PSMB2: variants seen among roughly 807,000 people sequenced by gnomAD.
The protein encoded by PSMB2 is proteasome subunit beta type-2.
Under a neutral mutation model 25.7 loss-of-function variants are expected in PSMB2, and 13 were observed. That is an observed-to-expected ratio of 0.51 (90% CI 0.33 to 0.80). The LOEUF is 0.80. Among genes scored for constraint, PSMB2 ranks in the 30% least tolerant of loss-of-function variants. The pLI is 0.02. For missense variants in PSMB2, 202 were observed against 259.0 expected (o/e 0.78, Z 1.51); for synonymous variants, 87 against 96.2 (o/e 0.90, Z 0.56).
chr1:35,619,479 G>A (rs1650612245), intron 3 of PSMB2, among the ~76,000 whole-genome samples: 1 of 152,216 alleles, frequency 6.6e-6, no homozygotes, highest in South Asian at 2.1e-4. Context: ...CTGTAATGTG[G>A]AGGACAGTAC....
chr1:35,620,626 G>A (rs2148569621), intron 3 of PSMB2, among the ~76,000 whole-genome samples: 1 of 151,600 alleles, frequency 6.6e-6, no homozygotes, highest in African/African-American at 2.4e-5. Context: ...TACTCAGGAG[G>A]CTGAGGCAGG....
At chr1:35,603,448 C>G in intron 5 of PSMB2, 74 bp from the exon 6 acceptor site, 1 of 1,536,118 alleles carries the variant, frequency 6.5e-7, no homozygotes, top group Non-Finnish European at 8.9e-7. Flanking sequence ...GTTCTAGACA[C>G]TGGGGATACA....
rs1374110925 is a variant in PSMB2 at position 35,600,416 on chromosome 1, T to TGTTA, written c.*2847_*2850dup. 1 of 840,802 alleles carries TGTTA rather than the reference T, an allele frequency of 1.2e-6. No homozygotes were observed. 52.1% of individuals were successfully genotyped at this position (840,802 alleles called of 1,614,324 possible). ...CAAACATACTGTGGTATATAGAAGATGTTAACATTACAGAAACTGAATAAG... is the reference window on the plus strand; with the variant it reads ...CAAACATACTGTGGTATATAGAAGATGTTAGTTAACATTACAGAAACTGAATAAG... On this transcript the variant is annotated 3_prime_UTR_variant, in exon 6 of 6. Coordinates refer to ENST00000373237, the MANE Select transcript of PSMB2 (RefSeq NM_002794.5).
chr1:35,613,893 T>C (rs1488460841), intron 3 of PSMB2, among the ~76,000 whole-genome samples: 2 of 152,204 alleles, frequency 1.3e-5, no homozygotes, highest in Non-Finnish European at 2.9e-5. Context: ...AGATAATGCA[T>C]GTGGATAATA....
At chr1:35,608,297 G>A (rs1650228552) in intron 4 of PSMB2, among the ~76,000 whole-genome samples, 1 of 151,908 alleles carries the variant, frequency 6.6e-6, no homozygotes, top group Admixed American at 6.6e-5. Context: ...CCTGGGAGGC[G>A]GAGGTTGCTG....
intron 3 of PSMB2, among the ~76,000 whole-genome samples, chr1:35,611,779 G>A (rs1650350515): frequency 6.6e-6 from 1 of 152,002 alleles, no homozygotes; most frequent in African/African-American, 2.4e-5. Context: ...AGCCGAGATA[G>A]TGCTACTGCA....
intron 4 of PSMB2, among the ~76,000 whole-genome samples, chr1:35,608,446 C>T (rs1650236107): frequency 6.6e-6 from 1 of 151,672 alleles, no homozygotes. Flanking sequence ...ATTACTATGG[C>T]TAACAATATA....
At position 35,631,327 on chromosome 1, in the gene PSMB2, T is replaced by TG; in HGVS notation, c.231dup (p.Thr78HisfsTer5). The TG allele has an allele frequency of 1.2e-6, 2 of 1,614,156 alleles. No homozygotes were observed. The highest frequency in any genetic ancestry group is 1.7e-6 in the Non-Finnish European group (2 of 1,180,004). ...CGGCGTGTGAAGTTAGCTGCTGCCG[T>TG]GGGAGACAATTCATATCCTGGTAGA... On this transcript the variant is annotated frameshift_variant, in exon 3 of 6. Transcript: ENST00000373237. LOFTEE classifies it high-confidence loss of function.
At chr1:35,628,596 AATATATATATAT>A (rs869040203) in intron 3 of PSMB2, among the ~76,000 whole-genome samples, 73 of 25,060 alleles carry the variant, frequency 2.9e-3, no homozygotes, top group Middle Eastern at 0.038. Context: ...AAAAAAAAAA[AATATATATATAT>A]ATATATATAT....
intron 3 of PSMB2, among the ~76,000 whole-genome samples, chr1:35,630,392 G>A (rs1263686318): frequency 6.6e-6 from 1 of 152,142 alleles, no homozygotes; most frequent in African/African-American, 2.4e-5. Context: ...GCACATGGAT[G>A]TATACATTAG....
rs1173238170 is a variant in PSMB2, at chr1:35,641,366, T to G, written c.67A>C (p.Ser23Arg). 1.2e-6 allele frequency: 2 copies of G among 1,614,050 alleles called. No individual in the cohort carries two copies. The highest frequency in any genetic ancestry group is 1.7e-6 in the Non-Finnish European group (2 of 1,179,998). ...CCGTCCTTCATCTGGACAATATTGC[T>G]GGCGGCCACCCGGTCGGAGGCGACA... ...VLVASDRVAA[S>R]NIVQMKDDHD... The change falls in exon 1 of 6, where the codon AGC becomes CGC. Residue 23 changes from serine (S) to arginine (R), a missense_variant. Transcript: ENST00000373237.
chr1:35,619,779 T>C (rs919062920), intron 3 of PSMB2, among the ~76,000 whole-genome samples: 12 of 152,212 alleles, frequency 7.9e-5, no homozygotes, highest in African/African-American at 2.9e-4. Context: ...ATTTAATGAG[T>C]TGAAATGCAA....
chr1:35,634,839 G>C (rs1651201405), intron 2 of PSMB2, among the ~76,000 whole-genome samples: 1 of 151,224 alleles, frequency 6.6e-6, no homozygotes, highest in African/African-American at 2.4e-5. Flanking sequence ...GCCTTCCAGA[G>C]TACAGTGGCA....
chr1:35,618,213 T>C (rs113939406), intron 3 of PSMB2, among the ~76,000 whole-genome samples: 3,075 of 152,092 alleles, frequency 0.02, 92 homozygotes, highest in East Asian at 0.061. Context: ...ATGATGGAAC[T>C]TCATAACAGT....
chr1:35,603,307 T>C lies in PSMB2; in HGVS notation c.566A>G (p.His189Arg). 1.9e-6 allele frequency: 3 copies of C among 1,614,146 alleles called. No individual in the cohort carries two copies. The highest frequency in any genetic ancestry group is 2.5e-6 in the Non-Finnish European group (3 of 1,180,002). ...SVRIIDKNGI[H>R]DLDNISFPKQ... ...GGGGAAGGAAATGTTATCCAGGTCATGGATGCCATTTTTGTCAATGATTCG... is the reference window on the plus strand; with the variant it reads ...GGGGAAGGAAATGTTATCCAGGTCACGGATGCCATTTTTGTCAATGATTCG... Residue 189 changes from histidine to arginine, a missense_variant, in exon 6 of 6, where the codon CAT becomes CGT. Physicochemically the swap from His to Arg is conservative, Grantham distance 29. Coordinates refer to ENST00000373237, the MANE Select transcript of PSMB2 (RefSeq NM_002794.5).
chr1:35,613,002 T>C (rs1461041079), intron 3 of PSMB2, among the ~76,000 whole-genome samples: 2 of 152,218 alleles, frequency 1.3e-5, no homozygotes, highest in African/African-American at 4.8e-5. Flanking sequence ...TTGGTCTATA[T>C]AGTATCATTT....
At chr1:35,631,710 T>A (rs1651103479) in intron 2 of PSMB2, among the ~76,000 whole-genome samples, 1 of 152,208 alleles carries the variant, frequency 6.6e-6, no homozygotes, top group African/African-American at 2.4e-5. Context: ...GCCAATCTTT[T>A]AAAAGTTTAT....
At chr1:35,618,525 A>G (rs1650572760) in intron 3 of PSMB2, among the ~76,000 whole-genome samples, 2 of 151,184 alleles carry the variant, frequency 1.3e-5, no homozygotes, top group Non-Finnish European at 2.9e-5. Flanking sequence ...TGAGGGTGAC[A>G]TATGTGGTGG....
At chr1:35,629,033 T>C (rs1400128310) in intron 3 of PSMB2, among the ~76,000 whole-genome samples, 2 of 152,208 alleles carry the variant, frequency 1.3e-5, no homozygotes, top group Non-Finnish European at 2.9e-5. Flanking sequence ...TTGTCTGACC[T>C]GCTGTGTGAC....
Sources: allele counts gnomAD v4.1 joint callset (sites outside exome capture counted in the v4.1 genomes callset), GRCh38; gene constraint gnomAD v4.1.1; transcripts MANE v1.5; gene names NCBI Gene and HGNC (gene_info 2026-07-23, HGNC 2026-07-21).